PPP2R2A: variants seen among roughly 807,000 people sequenced by gnomAD.
The protein encoded by PPP2R2A is protein phosphatase 2 regulatory subunit Balpha, also known as serine/threonine-protein phosphatase 2A 55 kDa regulatory subunit B alpha isoform.
Under a neutral mutation model 53.2 loss-of-function variants are expected in PPP2R2A, and 9 were observed. The observed-to-expected ratio is 0.17, with a 90% CI of 0.10 to 0.30. PPP2R2A has a LOEUF of 0.30. Ranked by LOEUF, PPP2R2A falls within the 10% of genes least tolerant of loss-of-function variation. The pLI, the probability that PPP2R2A is intolerant of heterozygous loss-of-function variation, is 1.00. For synonymous variants in PPP2R2A, 169 were observed against 174.2 expected, an observed-to-expected ratio of 0.97 and a Z score of 0.23; for missense variants, 235 against 534.6, an observed-to-expected ratio of 0.44 and a Z score of 5.53.
Position 26,361,147 on chromosome 8 carries a change from T to C in PPP2R2A, c.633T>C (p.Ser211=). ...NLWHLEITDR[S]FNIVDIKPAN... The stretch of plus-strand genomic sequence containing the variant: ...GGCATCTGGAAATTACAGACAGGAG[T>C]TTTAGTATCCATTTGGTTTTCTTTG... The change falls in exon 6 of 10, where the codon AGT becomes AGC. Residue 211 remains serine (S), a synonymous_variant. Transcript: ENST00000380737. 1.3e-6 allele frequency: 2 copies of C among 1,587,056 alleles called. No homozygotes were observed. Among genetic ancestry groups the C allele is most frequent in the South Asian group, 2.3e-5 (2 of 86,290 alleles).
chr8:26,336,334 T>C (rs924139755), intron 2 of PPP2R2A, among the ~76,000 whole-genome samples: 9 of 152,012 alleles, frequency 5.9e-5, no homozygotes, highest in African/African-American at 1.7e-4. Context: ...GGAGCTGATA[T>C]GGGAAGATTG....
intron 2 of PPP2R2A, among the ~76,000 whole-genome samples, chr8:26,319,637 C>T (rs556714997): frequency 5.3e-5 from 8 of 152,028 alleles, no homozygotes; most frequent in African/African-American, 1.9e-4. Flanking sequence ...ATTCGTTGGT[C>T]TTGGCAGCCT....
rs1038495495 is a variant in PPP2R2A, at chr8:26,360,720, A to G, written c.460-254A>G. The stretch of plus-strand genomic sequence containing the variant: ...ATTTATTAGCTTGGCATGTCTTTCA[A>G]GCAAAATATTGAAACTAAGAACTGC... On this transcript the variant is annotated intron_variant, in intron 5 of 9. Transcript: ENST00000380737. This position sits in a 1 kb window ranked among gnomAD's most constrained non-coding sequence, Gnocchi z 4.5. The G allele has an allele frequency of 7.0e-6, 3 of 428,312 alleles. No homozygotes were observed. Among genetic ancestry groups the G allele is most frequent in the South Asian group, 5.0e-5 (1 of 20,160 alleles). 26.5% of individuals were successfully genotyped at this position (428,312 alleles called of 1,614,324 possible). A position where few individuals can be genotyped will look rare whatever the true frequency, so the allele number is the denominator to read the frequency against.
intron 2 of PPP2R2A, among the ~76,000 whole-genome samples, chr8:26,334,938 A>G (rs760375642): frequency 6.6e-6 from 1 of 152,204 alleles, no homozygotes; most frequent in Non-Finnish European, 1.5e-5. Context: ...GTAGCATGAA[A>G]TGGTATCCCT....
chr8:26,333,381 A>G (rs530145143), intron 2 of PPP2R2A: 4 of 370,728 alleles, frequency 1.1e-5, no homozygotes, highest in South Asian at 4.5e-5. Context: ...CTTTGGTACA[A>G]TGTATTTCTT....
chr8:26,350,678 A>G (rs1358803598), intron 3 of PPP2R2A: 1 of 152,130 alleles, frequency 6.6e-6, no homozygotes, highest in Non-Finnish European at 1.5e-5. Context: ...GTGTTGGATT[A>G]CAGGCATGAG....
At chr8:26,311,161 T>C (rs1187061263) in intron 2 of PPP2R2A, among the ~76,000 whole-genome samples, 1 of 152,226 alleles carries the variant, frequency 6.6e-6, no homozygotes, top group African/African-American at 2.4e-5. Context: ...CTTGTCTTTT[T>C]ATTTAGAGGA....
intron 1 of PPP2R2A, 139 bp downstream of exon 1, chr8:26,291,965 TG>T (rs1801317040): frequency 4.8e-6 from 1 of 210,276 alleles, no homozygotes; most frequent in Non-Finnish European, 8.8e-6. Context: ...TCCAGAGGGG[TG>T]GGGTGGGGGC....
intron 2 of PPP2R2A, among the ~76,000 whole-genome samples, chr8:26,327,930 T>G (rs55723857): frequency 0.044 from 6,717 of 152,292 alleles, 186 homozygotes; most frequent in South Asian, 0.12. Flanking sequence ...ATTTCTGTGC[T>G]GTTTTGTGCC....
intron 2 of PPP2R2A, among the ~76,000 whole-genome samples, chr8:26,310,902 A>C (rs945236665): frequency 2.6e-5 from 4 of 152,030 alleles, no homozygotes; most frequent in Non-Finnish European, 2.9e-5. Context: ...ATGCTTTTTT[A>C]AATTTATTTG....
intron 2 of PPP2R2A, among the ~76,000 whole-genome samples, chr8:26,309,294 A>T (rs1035603695): frequency 1.3e-5 from 2 of 152,208 alleles, no homozygotes; most frequent in Non-Finnish European, 2.9e-5. Flanking sequence ...GAGTTCTTGG[A>T]TGAGCAGCAA....
chr8:26,337,861 C>T (rs921550996), intron 2 of PPP2R2A, among the ~76,000 whole-genome samples: 1 of 152,042 alleles, frequency 6.6e-6, no homozygotes, highest in Non-Finnish European at 1.5e-5. Context: ...GAAAAGAAAC[C>T]TTCTCAAAAT....
At chr8:26,349,737 T>G (rs1302107865) in intron 3 of PPP2R2A, among the ~76,000 whole-genome samples, 1 of 152,196 alleles carries the variant, frequency 6.6e-6, no homozygotes, top group Non-Finnish European at 1.5e-5. Flanking sequence ...TCCTCTCCTT[T>G]ATGAGCCTGT....
chr8:26,334,463 C>T (rs552674998), intron 2 of PPP2R2A, among the ~76,000 whole-genome samples: 3 of 152,172 alleles, frequency 2.0e-5, no homozygotes, highest in South Asian at 2.1e-4. Context: ...AGTCAGTATC[C>T]GGCCAGGTAC....
chr8:26,363,836 G>A lies in PPP2R2A; in HGVS notation c.918G>A (p.Leu306=). 2.5e-6 allele frequency: 4 copies of A among 1,604,586 alleles called. No individual in the cohort carries two copies. Among genetic ancestry groups the A allele is most frequent in the Non-Finnish European group, 3.4e-6 (4 of 1,173,466 alleles). The change falls in exon 8 of 10, where the codon TTG becomes TTA. Residue 306 remains leucine, a synonymous_variant. Transcript: ENST00000380737. ...GATATATGATGACTAGAGACTATTT[G>A]TCAGTCAAAATTTGGGACTTAAATA... The part of the protein sequence containing the change: ...SGRYMMTRDY[L]SVKIWDLNME...
rs996724457 is a variant in PPP2R2A at position 26,321,144 on chromosome 8, T to C, written c.83-17746T>C. Among the ~76,000 whole-genome samples the C allele has an allele frequency of 6.6e-6, 1 of 152,210 alleles. No individual in the cohort carries two copies. The highest frequency in any genetic ancestry group is 2.4e-5 in the African/African-American group (1 of 41,440). ...AACATCGTGAGAGAAGGCCTTAGTG[T>C]TCATTTCTGTGGTTGTGAAGCGCTA... On this transcript the variant is annotated intron_variant, in intron 2 of 9. Transcript: ENST00000380737. This position sits in a 1 kb window ranked among gnomAD's most constrained non-coding sequence, Gnocchi z 4.1.
intron 2 of PPP2R2A, among the ~76,000 whole-genome samples, chr8:26,313,117 T>A (rs1802370578): frequency 6.6e-6 from 1 of 151,406 alleles, no homozygotes; most frequent in African/African-American, 2.4e-5. Context: ...CACTGCAGCC[T>A]CCACCTCTTG....
At chr8:26,337,060 C>A (rs1803700171) in intron 2 of PPP2R2A, among the ~76,000 whole-genome samples, 1 of 151,998 alleles carries the variant, frequency 6.6e-6, no homozygotes, top group Admixed American at 6.5e-5. Context: ...CAACTTGGAC[C>A]TGGGAAAGAG....
At chr8:26,328,950 A>G (rs952230029) in intron 2 of PPP2R2A, among the ~76,000 whole-genome samples, 1 of 152,228 alleles carries the variant, frequency 6.6e-6, no homozygotes, top group Admixed American at 6.5e-5. Flanking sequence ...TGCAGTTTGC[A>G]TGAATCTGCT....
Sources: allele counts gnomAD v4.1 joint callset (sites outside exome capture counted in the v4.1 genomes callset), GRCh38; gene constraint gnomAD v4.1.1; non-coding constraint Gnocchi (gnomAD v3.1); transcripts MANE v1.5; gene names NCBI Gene and HGNC (gene_info 2026-07-23, HGNC 2026-07-21).